ARHGAP24: variants seen among roughly 807,000 people sequenced by gnomAD.
The protein encoded by ARHGAP24 is rho GTPase-activating protein 24.
In ARHGAP24, 50 loss-of-function variants were observed where a neutral mutation model predicts 76.4. The observed-to-expected ratio is 0.65, with a 90% CI of 0.52 to 0.83. The LOEUF (loss-of-function observed/expected upper bound fraction) is 0.83, where lower values mean the gene tolerates loss of function less well. ARHGAP24 is among the 40% of genes least tolerant of loss of function. ARHGAP24 has a pLI of 0.00. For synonymous variants in ARHGAP24, 345 were observed against 323.3 expected, an observed-to-expected ratio of 1.07 and a Z score of -0.72; for missense variants, 930 against 914.2, an observed-to-expected ratio of 1.02 and a Z score of -0.22.
chr4:85,722,396 A>G (rs959544227), intron 3 of ARHGAP24: 1 of 202,450 alleles, frequency 4.9e-6, no homozygotes, highest in African/African-American at 2.4e-5. Context: ...AAAAAAAAAA[A>G]CAAAAAACAA....
At chr4:85,790,716 A>G (rs1279902207) in intron 3 of ARHGAP24, among the ~76,000 whole-genome samples, 1 of 152,218 alleles carries the variant, frequency 6.6e-6, no homozygotes, top group Non-Finnish European at 1.5e-5. Flanking sequence ...GGAAAGATTT[A>G]CATTGCCTGA....
intron 3 of ARHGAP24, among the ~76,000 whole-genome samples, chr4:85,769,823 G>A (rs1005023592): frequency 6.6e-6 from 1 of 151,884 alleles, no homozygotes; most frequent in Non-Finnish European, 1.5e-5. Context: ...TCTTGACCTC[G>A]TGATTTGCCC....
intron 2 of ARHGAP24, among the ~76,000 whole-genome samples, chr4:85,574,446 G>A (rs772446497): frequency 6.6e-6 from 1 of 152,204 alleles, no homozygotes; most frequent in Non-Finnish European, 1.5e-5. Flanking sequence ...AGGTAGATGT[G>A]AGTTTTCCAG....
chr4:85,755,627 TTTTG>T (rs1426600896), intron 3 of ARHGAP24, among the ~76,000 whole-genome samples: 1 of 17,322 alleles, frequency 5.8e-5, no homozygotes, highest in African/African-American at 7.7e-5. Flanking sequence ...TATTCTTTTG[TTTTG>T]TTTTGTTTTG....
intron 1 of ARHGAP24, among the ~76,000 whole-genome samples, chr4:85,531,238 G>A (rs1234365640): frequency 2.0e-5 from 3 of 151,952 alleles, no homozygotes; most frequent in Non-Finnish European, 2.9e-5. Context: ...TTATGGGAGA[G>A]GACATTATTG....
intron 1 of ARHGAP24, among the ~76,000 whole-genome samples, chr4:85,493,229 C>G (rs1407507411): frequency 2.0e-5 from 3 of 152,196 alleles, no homozygotes; most frequent in Non-Finnish European, 4.4e-5. Flanking sequence ...AGTTTACTTT[C>G]TGTAACTAAT....
chr4:85,581,978 G>A (rs923010680), intron 2 of ARHGAP24, among the ~76,000 whole-genome samples: 1 of 152,026 alleles, frequency 6.6e-6, no homozygotes, highest in Admixed American at 6.6e-5. Flanking sequence ...CTTCAGAGTT[G>A]TTATTTAATC....
At chr4:85,969,949 A>G (rs1421956334) in intron 5 of ARHGAP24, among the ~76,000 whole-genome samples, 2 of 152,242 alleles carry the variant, frequency 1.3e-5, no homozygotes, top group African/African-American at 4.8e-5. Context: ...TTTAGAAAGA[A>G]AAACATATAT....
chr4:85,869,443 T>C (rs914768021), intron 3 of ARHGAP24, among the ~76,000 whole-genome samples: 46 of 152,216 alleles, frequency 3.0e-4, no homozygotes, highest in African/African-American at 1.0e-3. Context: ...TCTTAGGCAT[T>C]GTTACAAGAT....
rs34228407 is a variant in ARHGAP24 at position 85,660,794 on chromosome 4, C to CAAAAAAAAAAAAAAA, written c.181-61082_181-61068dup. ...CTGGTGACAGAGAGAGACTCCGTCT[C>CAAAAAAAAAAAAAAA]AAAAAAAAAAAAAAAAAAAAAAATC... On this transcript the variant is annotated intron_variant, in intron 2 of 9. Transcript: ENST00000395184. Among the ~76,000 whole-genome samples the CAAAAAAAAAAAAAAA allele has an allele frequency of 1.1e-3, 64 of 59,432 alleles. 14 individuals are homozygous for CAAAAAAAAAAAAAAA. Among genetic ancestry groups the CAAAAAAAAAAAAAAA allele is most frequent in the Non-Finnish European group, 8.7e-4 (28 of 32,304 alleles). 39.0% of individuals were successfully genotyped at this position (59,432 alleles called of 152,430 possible). A position where few individuals can be genotyped will look rare whatever the true frequency, so the allele number is the denominator to read the frequency against.
chr4:85,523,964 G>A (rs1028970915), intron 1 of ARHGAP24, among the ~76,000 whole-genome samples: 87 of 152,230 alleles, frequency 5.7e-4, no homozygotes, highest in African/African-American at 1.9e-3. Flanking sequence ...ACTGTGATGG[G>A]ATTAAGCCTT....
chr4:85,994,866 G>A lies in ARHGAP24; in HGVS notation c.1212G>A (p.Lys404=), dbSNP rs1485095007. Residue 404 remains lysine, a synonymous_variant, in exon 9 of 10, where the codon AAG becomes AAA. Transcript: ENST00000395184. ...CAGGCAGCAAAACCAACAGCCCAAA[G>A]AACAGTGTTCACAAGCTAGATGTGT... The part of the protein sequence containing the change: ...ALSGSKTNSP[K]NSVHKLDVSR... 1 of 1,614,110 alleles carries A rather than the reference G, an allele frequency of 6.2e-7. No individual in the cohort carries two copies.
chr4:85,641,875 G>C (rs181494700), intron 2 of ARHGAP24, among the ~76,000 whole-genome samples: 1 of 152,236 alleles, frequency 6.6e-6, no homozygotes, highest in East Asian at 1.9e-4. Flanking sequence ...TAAGAATCCT[G>C]TCCTCTTGGG....
intron 3 of ARHGAP24, among the ~76,000 whole-genome samples, chr4:85,770,733 T>C (rs1727099032): frequency 6.6e-6 from 1 of 152,224 alleles, no homozygotes; most frequent in Non-Finnish European, 1.5e-5. Context: ...AGCTAGTTGC[T>C]GACAGAACCA....
intron 3 of ARHGAP24, among the ~76,000 whole-genome samples, chr4:85,790,553 G>C (rs780716175): frequency 2.6e-5 from 4 of 152,080 alleles, no homozygotes; most frequent in Non-Finnish European, 5.9e-5. Context: ...TCTTCCCAGA[G>C]TAAAAAATCT....
intron 5 of ARHGAP24, among the ~76,000 whole-genome samples, chr4:85,948,216 A>G (rs957171901): frequency 3.3e-5 from 5 of 152,158 alleles, no homozygotes; most frequent in African/African-American, 9.7e-5. Context: ...CACAACATAA[A>G]AACAATGACT....
rs145042356 is a variant in ARHGAP24 at position 85,878,611 on chromosome 4, T to G, written c.269-45037T>G. Among the ~76,000 whole-genome samples the G allele has an allele frequency of 2.4e-3, 364 of 152,282 alleles. 3 individuals carry two copies. Among genetic ancestry groups the G allele is most frequent in the African/African-American group, 8.3e-3 (346 of 41,568 alleles). ...GAAGTGACATTAAATTATATATATA[T>G]AATTCTACATTCATAGCTTTTATAT... On this transcript the variant is annotated intron_variant, in intron 3 of 9. Coordinates refer to ENST00000395184, the MANE Select transcript of ARHGAP24 (RefSeq NM_001025616.3).
intron 3 of ARHGAP24, among the ~76,000 whole-genome samples, chr4:85,839,855 T>A (rs1219017964): frequency 3.0e-5 from 4 of 135,572 alleles, no homozygotes; most frequent in African/African-American, 1.1e-4. Context: ...TTTTTTTTTT[T>A]TTTTTTTTTT....
rs556470291 is a variant in ARHGAP24 at position 85,953,420 on chromosome 4, G to A, written c.599+11147G>A. Among the ~76,000 whole-genome samples the A allele has an allele frequency of 7.9e-5, 12 of 152,286 alleles. No individual in the cohort carries two copies. In the South Asian group the frequency reaches 2.5e-3, roughly 32 times the overall value. Reference sequence around the variant, plus strand: ...GACATATTTTAATTTAATCCTCTGGGAAGGAATTTAGGTCTGGGAATTACT... The same window carrying A: ...GACATATTTTAATTTAATCCTCTGGAAAGGAATTTAGGTCTGGGAATTACT... On this transcript the variant is annotated intron_variant, in intron 5 of 9. Coordinates refer to ENST00000395184, the MANE Select transcript of ARHGAP24 (RefSeq NM_001025616.3).
Sources: allele counts gnomAD v4.1 joint callset (sites outside exome capture counted in the v4.1 genomes callset), GRCh38; gene constraint gnomAD v4.1.1; transcripts MANE v1.5; gene names NCBI Gene and HGNC (gene_info 2026-07-23, HGNC 2026-07-21).